The following RREB1 variants were observed in gnomAD, a reference collection of about 807,000 sequenced individuals.
RREB1 encodes the protein ras-responsive element-binding protein 1.
In RREB1, 27 loss-of-function variants were observed where a neutral mutation model predicts 117.8. The ratio of observed to expected loss-of-function variants is 0.23; its 90% confidence interval spans 0.17 to 0.32. RREB1 has a LOEUF of 0.32. RREB1 is among the 10% of genes least tolerant of loss of function. The pLI, the probability that RREB1 is intolerant of heterozygous loss-of-function variation, is 1.00. For synonymous variants in RREB1, 1,298 were observed against 1,026.7 expected (o/e 1.26, Z -5.05); for missense variants, 2,577 against 2,378.2 (o/e 1.08, Z -1.74).
At chr6:7,243,382 G>GTT (rs1159354260) in intron 11 of RREB1, among the ~76,000 whole-genome samples, 1 of 152,226 alleles carries the variant, frequency 6.6e-6, no homozygotes, top group Non-Finnish European at 1.5e-5. Context: ...TCCTCTAACA[G>GTT]TTTTCTTAGT....
rs750916740 is a variant in RREB1, at chr6:7,230,718, C to A, written c.2619C>A (p.Gly873=). 14 of 1,597,126 alleles carry A rather than the reference C, an allele frequency of 8.8e-6. No individual in the cohort carries two copies. The highest frequency in any genetic ancestry group is 2.2e-5 in the East Asian group (1 of 44,700). Residue 873 remains glycine, a synonymous_variant, in exon 10 of 13, where the codon GGC becomes GGA. Coordinates refer to ENST00000379938, the MANE Select transcript of RREB1 (RefSeq NM_001003699.4). ...LEPQNGFLHR[G]PTQPPPPHVS... ...CCCAGAACGGCTTTCTTCACAGGGG[C>A]CCCACCCAGCCTCCACCTCCCCATG... is the stretch of plus-strand genomic sequence containing the variant.
intron 1 of RREB1, among the ~76,000 whole-genome samples, chr6:7,171,849 G>T (rs748242577): frequency 3.5e-4 from 54 of 152,164 alleles, no homozygotes; most frequent in Non-Finnish European, 7.3e-5. Flanking sequence ...GAGCAGAAAG[G>T]GTAACCAAGG....
At chr6:7,168,397 A>G (rs1251593179) in intron 1 of RREB1, among the ~76,000 whole-genome samples, 1 of 152,144 alleles carries the variant, frequency 6.6e-6, no homozygotes. Context: ...TTGTCCCCTT[A>G]GAAGTGCAGA....
intron 1 of RREB1, among the ~76,000 whole-genome samples, chr6:7,162,264 AG>A (rs1251613195): frequency 8.6e-5 from 13 of 151,914 alleles, no homozygotes; most frequent in Non-Finnish European, 1.5e-4. Flanking sequence ...AAAAGATGGC[AG>A]TTTACCCTAA....
At chr6:7,243,654 T>C (rs1768840398) in intron 11 of RREB1, among the ~76,000 whole-genome samples, 1 of 152,102 alleles carries the variant, frequency 6.6e-6, no homozygotes, top group Non-Finnish European at 1.5e-5. Flanking sequence ...GCTAAAACAC[T>C]CCCCCTAGTG....
chr6:7,115,066 G>A (rs1331683121), intron 1 of RREB1, among the ~76,000 whole-genome samples: 1 of 150,462 alleles, frequency 6.6e-6, no homozygotes, highest in Non-Finnish European at 1.5e-5. Flanking sequence ...AGTCTCCCTT[G>A]TTTTATTTTC....
chr6:7,223,518 G>A (rs149389514), intron 8 of RREB1, among the ~76,000 whole-genome samples: 1,539 of 134,220 alleles, frequency 0.011, 42 homozygotes, highest in Admixed American at 0.055. Flanking sequence ...CCAAGATTGC[G>A]CCATTGCACT....
intron 1 of RREB1, among the ~76,000 whole-genome samples, chr6:7,167,192 G>C (rs1223438243): frequency 2.6e-5 from 4 of 152,170 alleles, no homozygotes; most frequent in South Asian, 2.1e-4. Flanking sequence ...ACCAGGATTG[G>C]TTTCAGCAGC....
At chr6:7,173,437 G>A (rs1764328328) in intron 1 of RREB1, among the ~76,000 whole-genome samples, 1 of 151,636 alleles carries the variant, frequency 6.6e-6, no homozygotes, top group South Asian at 2.1e-4. Flanking sequence ...AGATTGCAGT[G>A]AGCCAAGATC....
chr6:7,205,045 G>A (rs780755556), intron 6 of RREB1, among the ~76,000 whole-genome samples: 1 of 152,220 alleles, frequency 6.6e-6, no homozygotes, highest in Non-Finnish European at 1.5e-5. Context: ...ATGAGTCTGG[G>A]AGATGTTTAA....
intron 1 of RREB1, among the ~76,000 whole-genome samples, chr6:7,110,991 C>T (rs761854257): frequency 5.9e-5 from 9 of 152,128 alleles, no homozygotes; most frequent in Non-Finnish European, 8.8e-5. Context: ...GTAGTGCATC[C>T]ATTCCTAACT....
chr6:7,130,205 C>T (rs1762092624), intron 1 of RREB1, among the ~76,000 whole-genome samples: 2 of 152,202 alleles, frequency 1.3e-5, no homozygotes, highest in South Asian at 2.1e-4. Context: ...ACTGATAATT[C>T]CTCCAAATCA....
chr6:7,221,878 G>A (rs868557964), intron 8 of RREB1, among the ~76,000 whole-genome samples: 4 of 152,172 alleles, frequency 2.6e-5, no homozygotes, highest in South Asian at 2.1e-4. Context: ...GATTTTTCAC[G>A]TTAGCTAAAA....
At chr6:7,203,894 G>T (rs551519087) in intron 6 of RREB1, among the ~76,000 whole-genome samples, 1 of 152,140 alleles carries the variant, frequency 6.6e-6, no homozygotes, top group Admixed American at 6.5e-5. Context: ...AGTATCAGCC[G>T]CAAAGCTTGA....
chr6:7,227,762 C>T (rs1054623789), intron 9 of RREB1, among the ~76,000 whole-genome samples: 2 of 152,132 alleles, frequency 1.3e-5, no homozygotes, highest in African/African-American at 4.8e-5. Context: ...AATAAAGCAC[C>T]TGCTAAAACT....
At chr6:7,240,408 G>A (rs1255714744) in intron 10 of RREB1, 30 bp from the exon 11 acceptor site, 2 of 1,588,292 alleles carry the variant, frequency 1.3e-6, no homozygotes, top group African/African-American at 1.4e-5. Context: ...TAGAAAGCCA[G>A]ATAAATATAT....
chr6:7,240,632 G>A, intron 11 of RREB1, 30 bp downstream of exon 11: 1 of 1,596,580 alleles, frequency 6.3e-7, no homozygotes, highest in Non-Finnish European at 8.6e-7. Context: ...AAGAACCCAG[G>A]AAGAGGGAGA....
chr6:7,173,304 G>A (rs1018505235), intron 1 of RREB1, among the ~76,000 whole-genome samples: 6 of 151,930 alleles, frequency 3.9e-5, no homozygotes, highest in Non-Finnish European at 8.8e-5. Context: ...ATCACCTTAG[G>A]TCAGGAGTTC....
rs748162360 is a variant in RREB1 at position 7,231,265 on chromosome 6, C to G, written c.3166C>G (p.Pro1056Ala). The G allele has an allele frequency of 1.9e-6, 3 of 1,611,636 alleles. No homozygotes were observed. In the South Asian group the frequency reaches 3.3e-5, roughly 18 times the overall value. Residue 1056 changes from proline (P) to alanine (A), a missense_variant, in exon 10 of 13, where the codon CCC becomes GCC. By Grantham distance (27) the Pro-to-Ala change is conservative (BLOSUM62 -1). Coordinates refer to ENST00000379938, the MANE Select transcript of RREB1 (RefSeq NM_001003699.4). ...CAAGCCCCCGCTGCTTTTGCCAAAG[C>G]CCCCCGTGACAGAAGAGCTGCCCCC... ...RPKPPLLLPKPPVTEELPPLA... is the reference protein window; with the variant it reads ...RPKPPLLLPKAPVTEELPPLA...
Sources: gnomAD v4.1 joint callset for allele counts (sites outside exome capture counted in the v4.1 genomes callset) on GRCh38, gnomAD v4.1.1 for gene constraint, MANE v1.5 for transcripts, NCBI Gene and HGNC (gene_info 2026-07-23, HGNC 2026-07-21) for gene names.